MAPRE1: variants seen among roughly 807,000 people sequenced by gnomAD.
MAPRE1 encodes the protein microtubule associated protein RP/EB family member 1.
Under a neutral mutation model 32.1 loss-of-function variants are expected in MAPRE1, and 5 were observed. That is an observed-to-expected ratio of 0.16 (90% CI 0.08 to 0.33). MAPRE1 has a LOEUF of 0.33. Among genes scored for constraint, MAPRE1 ranks in the 10% least tolerant of loss-of-function variants. The probability of loss-of-function intolerance (pLI) is 1.00; values close to 1 mark genes in which losing one functional copy is unlikely to be tolerated. For missense variants in MAPRE1, 209 were observed against 327.2 expected (o/e 0.64, Z 2.79); for synonymous variants, 122 against 118.9 (o/e 1.03, Z -0.17).
chr20:32,840,542 C>T (rs987397165), intron 5 of MAPRE1, among the ~76,000 whole-genome samples: 1 of 152,110 alleles, frequency 6.6e-6, no homozygotes, highest in Non-Finnish European at 1.5e-5. Flanking sequence ...CAAGGCTGGT[C>T]TCTAACTCCT....
At chr20:32,838,632 G>A (rs377499134) in intron 4 of MAPRE1, among the ~76,000 whole-genome samples, 55 of 152,296 alleles carry the variant, frequency 3.6e-4, no homozygotes, top group African/African-American at 1.2e-3. Flanking sequence ...CAGGGTTCCC[G>A]TTTCTCTAGA....
Position 32,848,320 on chromosome 20 carries a change from A to G in MAPRE1, c.751-352A>G, listed in dbSNP as rs192215716. Among the ~76,000 whole-genome samples, 295 of 152,246 alleles carry G rather than the reference A, an allele frequency of 1.9e-3. 2 individuals carry two copies. The highest frequency in any genetic ancestry group is 2.9e-3 in the Non-Finnish European group (195 of 68,016). Reference sequence around the variant, plus strand: ...AGTGCTAGGATTACAGGCATGAGCCATCACACCTGGCCTTCTTTCTTCTTT... The same window carrying G: ...AGTGCTAGGATTACAGGCATGAGCCGTCACACCTGGCCTTCTTTCTTCTTT... On this transcript the variant is annotated intron_variant, in intron 6 of 6. Transcript: ENST00000375571.
chr20:32,829,438 A>G (rs781386477), intron 2 of MAPRE1, among the ~76,000 whole-genome samples: 24 of 152,354 alleles, frequency 1.6e-4, no homozygotes, highest in South Asian at 4.1e-4. Flanking sequence ...GTATGAGAGC[A>G]GACAGGATGA....
At chr20:32,838,379 C>G (rs117538458) in intron 4 of MAPRE1, among the ~76,000 whole-genome samples, 512 of 152,226 alleles carry the variant, frequency 3.4e-3, no homozygotes, top group Non-Finnish European at 6.1e-3. Context: ...TCATTTGATT[C>G]AGCAGTTCAT....
At chr20:32,820,062 G>T (rs532201850) in intron 1 of MAPRE1, 34 bp downstream of exon 1, 3 of 151,322 alleles carry the variant, frequency 2.0e-5, no homozygotes, top group South Asian at 2.1e-4. Context: ...GGGTGCGGCT[G>T]GGGGGGCGGC....
Position 32,849,558 on chromosome 20 carries a change from T to C in MAPRE1, c.*830T>C, listed in dbSNP as rs1983591856. On this transcript the variant is annotated 3_prime_UTR_variant, in exon 7 of 7. Coordinates refer to ENST00000375571, the MANE Select transcript of MAPRE1 (RefSeq NM_012325.3). ...TAATCTAACAACTACTTTTGGGGAC[T>C]TGCCCACATCTCTGGGATTTGAATG... The C allele has an allele frequency of 6.6e-6, 1 of 152,596 alleles. No homozygotes were observed. Among genetic ancestry groups the C allele is most frequent in the Admixed American group, 6.5e-5 (1 of 15,280 alleles). The allele number at this position is 152,596 out of a possible 1,614,324, so 9.5% of individuals were successfully genotyped here.
At chr20:32,848,505 C>T (rs901107777) in intron 6 of MAPRE1, among the ~76,000 whole-genome samples, 167 bp from the exon 7 acceptor site, 2 of 152,078 alleles carry the variant, frequency 1.3e-5, no homozygotes, top group African/African-American at 4.8e-5. Flanking sequence ...CAGTTTTTGT[C>T]TTTGGTGAGA....
intron 3 of MAPRE1, 60 bp from the exon 4 acceptor site, chr20:32,836,574 C>A: frequency 1.1e-6 from 1 of 908,966 alleles, no homozygotes; most frequent in Non-Finnish European, 1.8e-6. Context: ...GATGCATGGA[C>A]TAGTTTGATG....
chr20:32,847,394 T>G (rs570758410), intron 6 of MAPRE1, among the ~76,000 whole-genome samples: 1 of 152,214 alleles, frequency 6.6e-6, no homozygotes. Flanking sequence ...GTCCACTGTT[T>G]AATGGTGATG....
chr20:32,836,123 T>G (rs1325682537), intron 3 of MAPRE1, among the ~76,000 whole-genome samples: 3 of 152,002 alleles, frequency 2.0e-5, no homozygotes, highest in African/African-American at 7.3e-5. Flanking sequence ...CACACCTGCC[T>G]AATTTTTTTG....
chr20:32,833,893 A>G, intron 3 of MAPRE1, 31 bp downstream of exon 3: 4 of 1,589,476 alleles, frequency 2.5e-6, no homozygotes, highest in South Asian at 2.3e-5. Context: ...ATTGTGGTTA[A>G]TGTTCCTTAA....
intron 5 of MAPRE1, chr20:32,843,300 T>C (rs1455335927): frequency 2.6e-5 from 4 of 152,008 alleles, no homozygotes; most frequent in African/African-American, 9.7e-5. Flanking sequence ...TGGAGCCACG[T>C]GGGCTTGTCA....
intron 3 of MAPRE1, among the ~76,000 whole-genome samples, chr20:32,835,457 C>G (rs746338316): frequency 7.1e-6 from 1 of 141,746 alleles, no homozygotes; most frequent in Non-Finnish European, 1.5e-5. Context: ...GCTAGGATTG[C>G]AGGTGGGCAG....
chr20:32,842,403 G>A (rs567951726), intron 5 of MAPRE1, among the ~76,000 whole-genome samples: 5 of 152,184 alleles, frequency 3.3e-5, no homozygotes, highest in Non-Finnish European at 5.9e-5. Context: ...CATTTTAAAA[G>A]TGCTTATGTC....
At chr20:32,836,569 A>C (rs1983207245) in intron 3 of MAPRE1, 65 bp from the exon 4 acceptor site, 4 of 873,332 alleles carry the variant, frequency 4.6e-6, no homozygotes, top group Non-Finnish European at 5.6e-6. Context: ...GAATTGATGC[A>C]TGGACTAGTT....
At chr20:32,826,140 G>C (rs923152446) in intron 2 of MAPRE1, 92 bp downstream of exon 2, 4 of 1,245,428 alleles carry the variant, frequency 3.2e-6, no homozygotes, top group East Asian at 4.9e-5. Context: ...GCCACACACA[G>C]AGGTTCAGGG....
chr20:32,834,378 A>G (rs1487575683), intron 3 of MAPRE1, among the ~76,000 whole-genome samples: 1 of 152,204 alleles, frequency 6.6e-6, no homozygotes. Flanking sequence ...CTGCCCCCAA[A>G]GGTTTTTGAA....
At chr20:32,832,466 CT>C (rs34257028) in intron 2 of MAPRE1, among the ~76,000 whole-genome samples, 29,736 of 130,376 alleles carry the variant, frequency 0.23, 2,906 homozygotes, top group Middle Eastern at 0.3. Context: ...ACAGTAGTCT[CT>C]TTTTTTTTTT....
intron 1 of MAPRE1, among the ~76,000 whole-genome samples, chr20:32,822,681 T>C (rs1449306487): frequency 6.6e-6 from 1 of 152,186 alleles, no homozygotes; most frequent in East Asian, 1.9e-4. Flanking sequence ...CTGAGGTACA[T>C]TGAGTTTAAG....
Sources: gnomAD v4.1 joint callset for allele counts (sites outside exome capture counted in the v4.1 genomes callset) on GRCh38, gnomAD v4.1.1 for gene constraint, MANE v1.5 for transcripts, NCBI Gene and HGNC (gene_info 2026-07-23, HGNC 2026-07-21) for gene names.